MACF1: variants seen among roughly 807,000 people sequenced by gnomAD.
MACF1 encodes the protein microtubule-actin cross-linking factor 1.
Under a neutral mutation model 854.8 loss-of-function variants are expected in MACF1, and 193 were observed. The observed-to-expected ratio is 0.23, with a 90% CI of 0.20 to 0.25. The LOEUF is 0.25. MACF1 is among the 10% of genes least tolerant of loss of function. The pLI is 1.00. For missense variants in MACF1, 7,722 were observed against 8,929.1 expected (o/e 0.86, Z 5.45); for synonymous variants, 3,185 against 3,226.7 (o/e 0.99, Z 0.44).
chr1:39,363,799 G>C (rs1010018640), intron 49 of MACF1, among the ~76,000 whole-genome samples: 1 of 151,884 alleles, frequency 6.6e-6, no homozygotes, highest in African/African-American at 2.4e-5. Flanking sequence ...ATTTTTAGTA[G>C]AGATGGGGTT....
rs377411860 is a variant in MACF1 at position 39,430,553 on chromosome 1, G to A, written c.17131-149G>A. On this transcript the variant is annotated intron_variant, in intron 65 of 100. Coordinates refer to ENST00000564288, the MANE Select transcript of MACF1 (RefSeq NM_001394062.1). ...TCTAAAGTCAGGCTTCAGAATGATT[G>A]AAAAATCTGAGATGAGAAAAAAATA... 362 of 664,288 alleles carry A rather than the reference G, an allele frequency of 5.4e-4. 2 individuals are homozygous for A. The African/African-American group carries it at 5.7e-3, about 10-fold the overall frequency. 41.1% of individuals were successfully genotyped at this position (664,288 alleles called of 1,614,324 possible).
At chr1:39,465,589 C>T (rs1043903764) in intron 95 of MACF1, among the ~76,000 whole-genome samples, 4 of 152,104 alleles carry the variant, frequency 2.6e-5, no homozygotes, top group Admixed American at 6.6e-5. Flanking sequence ...GTGTGGAGAT[C>T]GTAATTGGCC....
rs528149180 is a variant in MACF1, at chr1:39,158,780, G to T, written c.221-72402G>T. Among the ~76,000 whole-genome samples the T allele has an allele frequency of 4.6e-5, 7 of 152,324 alleles. No homozygotes were observed. In the East Asian group the frequency reaches 7.7e-4, roughly 17 times the overall value. ...TTTCCGCTCACTGGAACAAATGAGG[G>T]CGCTCAAAAGGCTGTAATGTAATGA... On this transcript the variant is annotated intron_variant, in intron 2 of 93. Coordinates refer to the MACF1 transcript ENST00000361689.
At chr1:39,204,383 C>T (rs1450050642), upstream of MACF1, 1 of 152,364 alleles carries the variant, frequency 6.6e-6, no homozygotes, top group Non-Finnish European at 1.5e-5. Context: ...TGGGAGCTTG[C>T]TCTGTATGTA....
intron 45 of MACF1, among the ~76,000 whole-genome samples, chr1:39,358,229 T>C (rs977631596): frequency 6.6e-6 from 1 of 152,176 alleles, no homozygotes; most frequent in African/African-American, 2.4e-5. Flanking sequence ...TTAAACCAAT[T>C]GCACAGTCTT....
chr1:39,430,770 C>G lies in MACF1; in HGVS notation c.17199C>G (p.Leu5733=). 1.9e-6 allele frequency: 3 copies of G among 1,612,422 alleles called. No individual in the cohort carries two copies. The highest frequency in any genetic ancestry group is 2.5e-6 in the Non-Finnish European group (3 of 1,180,004). ...CAGTGAATGAGGTGAGCCGTGCTCT[C>G]TTAGAGCTGGTGCCCTGGAGAGCCA... The part of the protein sequence containing the change: ...LDTVNEVSRA[L]LELVPWRARE... The change falls in exon 66 of 101, where the codon CTC becomes CTG. Residue 5733 remains leucine (L), a synonymous_variant. Coordinates refer to ENST00000564288, the MANE Select transcript of MACF1 (RefSeq NM_001394062.1).
intron 2 of MACF1, among the ~76,000 whole-genome samples, chr1:39,158,723 C>G (rs762427037): frequency 6.6e-6 from 1 of 152,158 alleles, no homozygotes; most frequent in Non-Finnish European, 1.5e-5. Flanking sequence ...CTCATTTGCA[C>G]AAAGGAGGGG....
intron 6 of MACF1, among the ~76,000 whole-genome samples, chr1:39,273,131 AT>A (rs561821846): frequency 0.17 from 20,568 of 120,218 alleles, 828 homozygotes; most frequent in Middle Eastern, 0.23. Flanking sequence ...CTCTATACCA[AT>A]TTTTTTTTTT....
rs1349297554 is a variant in MACF1, at chr1:39,105,536, G to A, written c.220+21098G>A. The A allele has an allele frequency of 1.7e-5, 18 of 1,039,520 alleles. No homozygotes were observed. The highest frequency in any genetic ancestry group is 2.1e-5 in the Non-Finnish European group (18 of 865,772). 64.4% of individuals were successfully genotyped at this position (1,039,520 alleles called of 1,614,324 possible). On this transcript the variant is annotated intron_variant, in intron 2 of 93. Coordinates refer to the MACF1 transcript ENST00000361689. The surrounding 1 kb of genome is among the most constrained non-coding windows in gnomAD (Gnocchi z 5.9). ...CGTCGCCGTCTCTGAGACGCACAAA[G>A]GGTCGAGGCTGGGGCCGCCGCCGCC...
chr1:39,143,646 C>CTGTTA (rs1387542820), intron 2 of MACF1, among the ~76,000 whole-genome samples: 11 of 152,174 alleles, frequency 7.2e-5, no homozygotes, highest in Admixed American at 7.2e-4. Flanking sequence ...GTTGCCCTTA[C>CTGTTA]TGTTACATCT....
At chr1:39,188,793 G>A (rs1327775498) in intron 2 of MACF1, among the ~76,000 whole-genome samples, 5 of 148,654 alleles carry the variant, frequency 3.4e-5, no homozygotes, top group East Asian at 1.9e-4. Flanking sequence ...TAGTAGAGGC[G>A]GGGTTTCACC....
chr1:39,168,422 A>G (rs1446394133), intron 2 of MACF1, among the ~76,000 whole-genome samples: 3 of 152,264 alleles, frequency 2.0e-5, no homozygotes, highest in Non-Finnish European at 4.4e-5. Flanking sequence ...TCTAAGGGGT[A>G]AGGCAGTGTA....
chr1:39,239,320 A>G (rs527606294), intron 2 of MACF1, among the ~76,000 whole-genome samples: 1 of 151,834 alleles, frequency 6.6e-6, no homozygotes, highest in African/African-American at 2.4e-5. Context: ...AACAAAAAAC[A>G]CCACAAACCA....
At chr1:39,186,208 C>CTGTG (rs1432705075) in intron 2 of MACF1, among the ~76,000 whole-genome samples, 9 of 62,256 alleles carry the variant, frequency 1.4e-4, no homozygotes, top group African/African-American at 5.6e-4. Flanking sequence ...CTCTCTCTCT[C>CTGTG]TCTCTCTGTG....
chr1:39,144,134 G>A (rs868263654), intron 2 of MACF1, among the ~76,000 whole-genome samples: 4 of 145,910 alleles, frequency 2.7e-5, no homozygotes, highest in African/African-American at 1.0e-4. Flanking sequence ...AGGCTGGAGT[G>A]CAATGGCACG....
chr1:39,161,425 C>G (rs1318341435), intron 2 of MACF1, among the ~76,000 whole-genome samples: 1 of 152,034 alleles, frequency 6.6e-6, no homozygotes, highest in African/African-American at 2.4e-5. Context: ...ATATAATGGC[C>G]AGGTGCAGTG....
chr1:39,344,085 A>C (rs914606600), intron 40 of MACF1, among the ~76,000 whole-genome samples: 1 of 150,628 alleles, frequency 6.6e-6, no homozygotes, highest in African/African-American at 2.4e-5. Context: ...ATTGCACTCC[A>C]GCCTGGGCAA....
At chr1:39,244,421 A>G (rs1644959620) in intron 2 of MACF1, among the ~76,000 whole-genome samples, 1 of 152,026 alleles carries the variant, frequency 6.6e-6, no homozygotes. Context: ...AGCTGGGATT[A>G]CAGGTGCCTG....
chr1:39,393,041 G>A (rs1346231786), intron 58 of MACF1, among the ~76,000 whole-genome samples: 4 of 151,740 alleles, frequency 2.6e-5, no homozygotes, highest in African/African-American at 9.7e-5. Flanking sequence ...AGGAAATTCC[G>A]TTTTCCTGAA....
Sources: gnomAD v4.1 joint callset for allele counts (sites outside exome capture counted in the v4.1 genomes callset) on GRCh38, gnomAD v4.1.1 for gene constraint, Gnocchi (gnomAD v3.1) non-coding constraint, MANE v1.5 for transcripts, NCBI Gene and HGNC (gene_info 2026-07-23, HGNC 2026-07-21) for gene names.